LARS2: variants seen among roughly 807,000 people sequenced by gnomAD.
LARS2 encodes the protein leucine--tRNA ligase, mitochondrial.
A neutral mutation model predicts 116.6 loss-of-function variants in LARS2; 81 were observed. The observed-to-expected ratio is 0.69, with a 90% CI of 0.58 to 0.84. The LOEUF (loss-of-function observed/expected upper bound fraction) is 0.84, where lower values mean the gene tolerates loss of function less well. Among genes scored for constraint, LARS2 ranks in the 40% least tolerant of loss-of-function variants. The pLI is 0.00. For missense variants in LARS2, 968 were observed against 1,114.5 expected (o/e 0.87, Z 1.87); for synonymous variants, 396 against 407.2 (o/e 0.97, Z 0.33).
chr3:45,531,745 T>G (rs892261051), intron 20 of LARS2, among the ~76,000 whole-genome samples: 1 of 152,188 alleles, frequency 6.6e-6, no homozygotes, highest in African/African-American at 2.4e-5. Context: ...GTACAATGTG[T>G]TGTTTTGATA....
rs542778346 is a variant in LARS2, at chr3:45,462,021, G to A, written c.750+3135G>A. Reference sequence around the variant, plus strand: ...TTTAAAACCTGGTATGATAAAAATCGTCTTGAGTTAGTGAAGAAGTCCTGC... The same window carrying A: ...TTTAAAACCTGGTATGATAAAAATCATCTTGAGTTAGTGAAGAAGTCCTGC... On this transcript the variant is annotated intron_variant, in intron 8 of 21. Transcript: ENST00000645846. 7.9e-5 allele frequency among the ~76,000 whole-genome samples: 12 copies of A among 152,312 alleles called. No individual in the cohort carries two copies. In the South Asian group the frequency reaches 1.0e-3, roughly 13 times the overall value.
intron 7 of LARS2, among the ~76,000 whole-genome samples, chr3:45,450,507 A>G (rs919324835): frequency 1.3e-5 from 2 of 152,072 alleles, no homozygotes; most frequent in Non-Finnish European, 2.9e-5. Flanking sequence ...GGTAATTTCT[A>G]TGCCTGGCTT....
rs548214372 is a variant in LARS2 at position 45,472,915 on chromosome 3, T to C, written c.751-1328T>C. Among the ~76,000 whole-genome samples the C allele has an allele frequency of 3.3e-5, 5 of 152,366 alleles. No homozygotes were observed. In the South Asian group the frequency reaches 1.0e-3, roughly 32 times the overall value. Reference sequence around the variant, plus strand: ...AAAGTGCCTGGTACTTAGGAAGTATTCTGCAAAGGTTATTACTTCCCTTCC... The same window carrying C: ...AAAGTGCCTGGTACTTAGGAAGTATCCTGCAAAGGTTATTACTTCCCTTCC... On this transcript the variant is annotated intron_variant, in intron 8 of 21. Coordinates refer to ENST00000645846, the MANE Select transcript of LARS2 (RefSeq NM_015340.4).
In LARS2 at chr3:45,476,549, A is replaced by T; in HGVS notation, c.940A>T (p.Ile314Phe). ...CATTTATGGCACCTCCCACGTGGCC[A>T]TCTCGCCCAGCCACAGACTCCTACA... ...EAIYGTSHVAISPSHRLLHGH... is the reference protein window; with the variant it reads ...EAIYGTSHVAFSPSHRLLHGH... The change falls in exon 10 of 22, where the codon ATC becomes TTC. Residue 314 changes from isoleucine to phenylalanine, a missense_variant. By Grantham distance (21) the Ile-to-Phe change is conservative. Coordinates refer to ENST00000645846, the MANE Select transcript of LARS2 (RefSeq NM_015340.4). 6.2e-7 allele frequency: 1 copy of T among 1,614,206 alleles called. No homozygotes were observed. Among genetic ancestry groups the T allele is most frequent in the Non-Finnish European group, 8.5e-7 (1 of 1,180,036 alleles).
intron 2 of LARS2, among the ~76,000 whole-genome samples, chr3:45,393,891 T>C (rs922004935): frequency 6.6e-6 from 1 of 152,262 alleles, no homozygotes; most frequent in African/African-American, 2.4e-5. Flanking sequence ...ATTAACAGTC[T>C]TCTAAATAAT....
intron 6 of LARS2, among the ~76,000 whole-genome samples, chr3:45,436,945 T>C (rs1698819182): frequency 6.6e-6 from 1 of 152,194 alleles, no homozygotes; most frequent in Non-Finnish European, 1.5e-5. Flanking sequence ...TCTTGTGTAG[T>C]TTGTAACAGG....
At chr3:45,417,895 A>T (rs1043991303) in intron 5 of LARS2, among the ~76,000 whole-genome samples, 1 of 152,212 alleles carries the variant, frequency 6.6e-6, no homozygotes, top group Non-Finnish European at 1.5e-5. Flanking sequence ...TTAAATTTCT[A>T]TAATGCTTCT....
intron 21 of LARS2, among the ~76,000 whole-genome samples, chr3:45,543,627 C>A (rs1318786472): frequency 3.3e-5 from 5 of 151,984 alleles, no homozygotes; most frequent in Admixed American, 1.3e-4. Flanking sequence ...CCATGCCCAG[C>A]TAATTTTTGT....
chr3:45,404,310 T>C (rs1239518859), intron 4 of LARS2, among the ~76,000 whole-genome samples: 1 of 152,242 alleles, frequency 6.6e-6, no homozygotes, highest in African/African-American at 2.4e-5. Context: ...CATATTTAAG[T>C]CACAGCATCT....
chr3:45,536,526 G>A (rs1700707510), intron 20 of LARS2, among the ~76,000 whole-genome samples: 1 of 152,212 alleles, frequency 6.6e-6, no homozygotes, highest in African/African-American at 2.4e-5. Context: ...CGTGGAATGT[G>A]CCTGCAGGAG....
At chr3:45,473,562 T>C (rs1038149315) in intron 8 of LARS2, among the ~76,000 whole-genome samples, 3 of 151,952 alleles carry the variant, frequency 2.0e-5, no homozygotes, top group African/African-American at 7.2e-5. Context: ...TTTTGTATTT[T>C]TAGTAGAGAC....
intron 20 of LARS2, among the ~76,000 whole-genome samples, chr3:45,535,768 C>CA (rs1559500395): frequency 0.04 from 1,361 of 33,808 alleles, 18 homozygotes; most frequent in East Asian, 0.13. Flanking sequence ...ACACACACAC[C>CA]CCCACACCCA....
At chr3:45,503,791 T>G (rs1002985054) in intron 15 of LARS2, among the ~76,000 whole-genome samples, 1 of 152,014 alleles carries the variant, frequency 6.6e-6, no homozygotes, top group Non-Finnish European at 1.5e-5. Flanking sequence ...CCTATCCAGA[T>G]AACCCATGTT....
chr3:45,480,783 T>C (rs1311628030), intron 10 of LARS2, among the ~76,000 whole-genome samples: 3 of 152,230 alleles, frequency 2.0e-5, no homozygotes, highest in African/African-American at 7.2e-5. Flanking sequence ...CAAAGACCAA[T>C]TTTTGTCCTA....
At chr3:45,531,176 A>C (rs1289578029) in intron 20 of LARS2, among the ~76,000 whole-genome samples, 1 of 152,134 alleles carries the variant, frequency 6.6e-6, no homozygotes, top group Non-Finnish European at 1.5e-5. Flanking sequence ...AGTCTTCTTA[A>C]TGTTGTCAAA....
intron 8 of LARS2, among the ~76,000 whole-genome samples, chr3:45,468,374 A>G (rs1699465979): frequency 6.6e-6 from 1 of 152,210 alleles, no homozygotes; most frequent in South Asian, 2.1e-4. Context: ...TCCTGGAATA[A>G]TAAGACCACT....
At chr3:45,532,734 C>T (rs1414532740) in intron 20 of LARS2, among the ~76,000 whole-genome samples, 3 of 152,086 alleles carry the variant, frequency 2.0e-5, no homozygotes, top group South Asian at 2.1e-4. Context: ...TTCCGCCTCC[C>T]GGGTTCAAGC....
intron 20 of LARS2, among the ~76,000 whole-genome samples, chr3:45,539,326 T>C (rs1700756188): frequency 6.6e-6 from 1 of 152,142 alleles, no homozygotes; most frequent in African/African-American, 2.4e-5. Context: ...ATCTGTAACA[T>C]AGTCTTTAAA....
intron 19 of LARS2, among the ~76,000 whole-genome samples, chr3:45,522,400 T>C (rs1173875501): frequency 6.6e-6 from 1 of 152,204 alleles, no homozygotes; most frequent in South Asian, 2.1e-4. Context: ...GAATACTTAA[T>C]ATCAGAAACT....
Sources: allele counts gnomAD v4.1 joint callset (sites outside exome capture counted in the v4.1 genomes callset), GRCh38; gene constraint gnomAD v4.1.1; transcripts MANE v1.5; gene names NCBI Gene and HGNC (gene_info 2026-07-23, HGNC 2026-07-21).